Variants in TMEM132C observed in about 807,000 individuals in gnomAD.
The protein encoded by TMEM132C is transmembrane protein 132C.
Under a neutral mutation model 61.4 loss-of-function variants are expected in TMEM132C, and 29 were observed. The observed-to-expected ratio is 0.47, with a 90% CI of 0.35 to 0.64. TMEM132C has a LOEUF of 0.64. TMEM132C is among the 30% of genes least tolerant of loss of function. TMEM132C has a pLI of 0.00. For synonymous variants in TMEM132C, 656 were observed against 633.1 expected, an observed-to-expected ratio of 1.04 and a Z score of -0.54; for missense variants, 1,408 against 1,476.9, an observed-to-expected ratio of 0.95 and a Z score of 0.76.
chr12:128,288,140 C>A (rs2135905711), intron 1 of TMEM132C: 1 of 151,844 alleles, frequency 6.6e-6, no homozygotes, highest in East Asian at 1.9e-4. Context: ...CTCACCGCGA[C>A]CTCTGCCTCC....
chr12:128,591,539 A>G (rs570524580), intron 3 of TMEM132C, among the ~76,000 whole-genome samples: 1 of 152,240 alleles, frequency 6.6e-6, no homozygotes, highest in Non-Finnish European at 1.5e-5. Flanking sequence ...TTTATGAATA[A>G]ATGCTGCTAG....
intron 1 of TMEM132C, among the ~76,000 whole-genome samples, chr12:128,354,208 G>A (rs1277609094): frequency 2.0e-5 from 3 of 151,962 alleles, no homozygotes; most frequent in African/African-American, 7.3e-5. Context: ...GAAGCCCCTA[G>A]GTGTGTGAGT....
chr12:128,332,613 G>T (rs1872691203), intron 1 of TMEM132C, among the ~76,000 whole-genome samples: 1 of 152,216 alleles, frequency 6.6e-6, no homozygotes. Context: ...ACAGCCGTAG[G>T]CTCCTGCAGC....
chr12:128,597,453 G>A (rs1015103086), intron 3 of TMEM132C, among the ~76,000 whole-genome samples: 1 of 150,882 alleles, frequency 6.6e-6, no homozygotes, highest in African/African-American at 2.4e-5. Context: ...ACTCCAGCCT[G>A]CAGAAAGAGA....
At chr12:128,598,119 T>A (rs1876038141) in intron 3 of TMEM132C, among the ~76,000 whole-genome samples, 1 of 152,198 alleles carries the variant, frequency 6.6e-6, no homozygotes, top group African/African-American at 2.4e-5. Context: ...ACTATGTTTT[T>A]AAAACTGTTG....
At chr12:128,665,446 C>T (rs1050783393) in intron 4 of TMEM132C, among the ~76,000 whole-genome samples, 6 of 150,730 alleles carry the variant, frequency 4.0e-5, no homozygotes, top group Admixed American at 2.6e-4. Flanking sequence ...TAGCCATACA[C>T]GTAGGCACTC....
At chr12:128,502,627 G>A (rs753808207) in intron 2 of TMEM132C, among the ~76,000 whole-genome samples, 1 of 152,210 alleles carries the variant, frequency 6.6e-6, no homozygotes, top group Non-Finnish European at 1.5e-5. Flanking sequence ...GACCAGCTGC[G>A]ATGTGCCTCA....
intron 4 of TMEM132C, among the ~76,000 whole-genome samples, chr12:128,642,552 C>G (rs995180601): frequency 6.6e-6 from 1 of 152,080 alleles, no homozygotes; most frequent in Admixed American, 6.6e-5. Context: ...CATGCAAGAC[C>G]TGGTTGTTAA....
chr12:128,341,362 G>A (rs922593585), intron 1 of TMEM132C, among the ~76,000 whole-genome samples: 1 of 152,168 alleles, frequency 6.6e-6, no homozygotes, highest in Non-Finnish European at 1.5e-5. Flanking sequence ...TTAATTTGGA[G>A]TAGTAAAGGA....
chr12:128,497,297 T>C (rs555271728), intron 2 of TMEM132C, among the ~76,000 whole-genome samples: 2 of 152,138 alleles, frequency 1.3e-5, no homozygotes, highest in South Asian at 2.1e-4. Flanking sequence ...CTTGAGGAGG[T>C]AGTCTGTCCA....
At chr12:128,319,576 C>T (rs1415285191) in intron 1 of TMEM132C, among the ~76,000 whole-genome samples, 1 of 151,996 alleles carries the variant, frequency 6.6e-6, no homozygotes, top group African/African-American at 2.4e-5. Context: ...GCCTGTAATC[C>T]CAGCACTTTG....
intron 3 of TMEM132C, among the ~76,000 whole-genome samples, chr12:128,557,873 G>A (rs1287237619): frequency 6.6e-6 from 1 of 152,178 alleles, no homozygotes. Flanking sequence ...AGTGTTTGCT[G>A]ACATCGTGCC....
intron 5 of TMEM132C, among the ~76,000 whole-genome samples, chr12:128,691,288 T>C (rs1954717625): frequency 6.6e-6 from 1 of 152,250 alleles, no homozygotes; most frequent in Non-Finnish European, 1.5e-5. Flanking sequence ...TTGAATTAAC[T>C]TCTTGTGTTT....
chr12:128,334,036 C>T (rs997078485), intron 1 of TMEM132C, among the ~76,000 whole-genome samples: 8 of 151,678 alleles, frequency 5.3e-5, no homozygotes, highest in Non-Finnish European at 1.0e-4. Flanking sequence ...TGTGTGGGAG[C>T]GAGGGAGGAA....
At chr12:128,530,113 G>A (rs1873234202) in intron 2 of TMEM132C, among the ~76,000 whole-genome samples, 1 of 151,858 alleles carries the variant, frequency 6.6e-6, no homozygotes, top group South Asian at 2.1e-4. Context: ...AGTGGGCGGG[G>A]GTGGGAAGAG....
At chr12:128,324,873 A>G (rs1872454708) in intron 1 of TMEM132C, among the ~76,000 whole-genome samples, 1 of 152,350 alleles carries the variant, frequency 6.6e-6, no homozygotes, top group Middle Eastern at 3.4e-3. Context: ...TGACTTCAGA[A>G]CATGATCTTC....
At chr12:128,561,263 T>C (rs1874510061) in intron 3 of TMEM132C, among the ~76,000 whole-genome samples, 1 of 152,266 alleles carries the variant, frequency 6.6e-6, no homozygotes, top group Non-Finnish European at 1.5e-5. Context: ...ACTTCATGGC[T>C]TTGCCCAAGC....
chr12:128,513,002 G>A (rs564309429), intron 2 of TMEM132C, among the ~76,000 whole-genome samples: 188 of 152,300 alleles, frequency 1.2e-3, no homozygotes, highest in South Asian at 4.2e-3. Context: ...CTGACCTTCC[G>A]GTGGGGGAAG....
chr12:128,588,338 A>G (rs1875626315), intron 3 of TMEM132C, among the ~76,000 whole-genome samples: 1 of 152,196 alleles, frequency 6.6e-6, no homozygotes, highest in Non-Finnish European at 1.5e-5. Context: ...AGGCTGAGGC[A>G]GATGGATTGC....
Sources: allele counts gnomAD v4.1 joint callset (sites outside exome capture counted in the v4.1 genomes callset), GRCh38; gene constraint gnomAD v4.1.1; transcripts MANE v1.5; gene names NCBI Gene and HGNC (gene_info 2026-07-23, HGNC 2026-07-21).